MAP4K5: variants seen among roughly 807,000 people sequenced by gnomAD.
MAP4K5 encodes mitogen-activated protein kinase kinase kinase kinase 5.
Under a neutral mutation model 135.6 loss-of-function variants are expected in MAP4K5, and 82 were observed. The ratio of observed to expected loss-of-function variants is 0.60; its 90% CI spans 0.51 to 0.73. The LOEUF (loss-of-function observed/expected upper bound fraction) is 0.73, where lower values mean the gene tolerates loss of function less well. MAP4K5 is among the 30% of genes least tolerant of loss of function. MAP4K5 has a pLI of 0.00. For synonymous variants in MAP4K5, 347 were observed against 335.0 expected (o/e 1.04, Z -0.39); for missense variants, 907 against 1,010.9 (o/e 0.90, Z 1.39).
At chr14:50,558,029 A>C (rs1434478385) in intron 1 of MAP4K5, among the ~76,000 whole-genome samples, 1 of 152,198 alleles carries the variant, frequency 6.6e-6, no homozygotes, top group African/African-American at 2.4e-5. Context: ...GCATAGCACA[A>C]TTTTTTTAAA....
chr14:50,419,987 T>A lies in MAP4K5; in HGVS notation c.*32A>T. ...TTTTCCTTTCAATGGAGTATATTCA[T>A]TTTCCTGTCATTTGAGATCAGTTTC... is the stretch of plus-strand genomic sequence containing the variant. On this transcript the variant is annotated 3_prime_UTR_variant, in exon 33 of 33. Transcript: ENST00000682126. 6.9e-7 allele frequency: 1 copy of A among 1,454,814 alleles called. No individual in the cohort carries two copies. Among genetic ancestry groups the A allele is most frequent in the South Asian group, 1.2e-5 (1 of 83,852 alleles). 90.1% of individuals were successfully genotyped at this position (1,454,814 alleles called of 1,614,324 possible). A position where few individuals can be genotyped will look rare whatever the true frequency, so the allele number is the denominator to read the frequency against.
chr14:50,504,430 T>C (rs1225346063), intron 3 of MAP4K5, among the ~76,000 whole-genome samples: 1 of 151,998 alleles, frequency 6.6e-6, no homozygotes, highest in Admixed American at 6.6e-5. Context: ...CCTAAATCAA[T>C]CAAAGGGAAT....
chr14:50,462,383 C>T (rs533822868), intron 13 of MAP4K5, among the ~76,000 whole-genome samples: 2 of 152,170 alleles, frequency 1.3e-5, no homozygotes, highest in Non-Finnish European at 2.9e-5. Flanking sequence ...ACCAAAACTT[C>T]AGGCTAACCA....
At chr14:50,458,883 A>C (rs2036649058) in intron 13 of MAP4K5, among the ~76,000 whole-genome samples, 1 of 152,180 alleles carries the variant, frequency 6.6e-6, no homozygotes, top group South Asian at 2.1e-4. Context: ...ATCATGGCTC[A>C]CTGCAGCCTT....
chr14:50,538,697 A>G (rs1056714120), intron 2 of MAP4K5, among the ~76,000 whole-genome samples: 2 of 152,206 alleles, frequency 1.3e-5, no homozygotes, highest in African/African-American at 4.8e-5. Context: ...GGATTCCAGT[A>G]AGTTCTCCTT....
chr14:50,443,777 GA>G lies in MAP4K5; in HGVS notation c.1438-8del. 1.9e-6 allele frequency: 3 copies of G among 1,596,260 alleles called. No homozygotes were observed. The highest frequency in any genetic ancestry group is 2.6e-6 in the Non-Finnish European group (3 of 1,174,442). The stretch of plus-strand genomic sequence containing the variant: ...GGCCATTGATGGCTGGTTTCTATGG[GA>G]AAAATAAAATTTACTAGTGTAAGAC... On this transcript the variant is annotated splice_polypyrimidine_tract_variant and splice_region_variant and intron_variant, in intron 19 of 32. Coordinates refer to ENST00000682126, the MANE Select transcript of MAP4K5 (RefSeq NM_006575.6).
rs543850710 is a variant in MAP4K5, at chr14:50,428,513, C to T, written c.2326+149G>A. 1.6e-5 allele frequency: 7 copies of T among 449,134 alleles called. No individual in the cohort carries two copies. In the South Asian group the frequency reaches 2.8e-4, roughly 18 times the overall value. 27.8% of individuals were successfully genotyped at this position (449,134 alleles called of 1,614,324 possible). On this transcript the variant is annotated intron_variant, in intron 30 of 32. Coordinates refer to ENST00000682126, the MANE Select transcript of MAP4K5 (RefSeq NM_006575.6). ...CCTTGTGATCTGCCCACCTTGGCCT[C>T]CCAAAGTGCTGGGATTACAGGCGTA... is the stretch of plus-strand genomic sequence containing the variant.
At chr14:50,486,235 C>G (rs758095906) in intron 3 of MAP4K5, 41 bp from the exon 4 acceptor site, 28 of 695,506 alleles carry the variant, frequency 4.0e-5, no homozygotes, top group Non-Finnish European at 6.9e-5. Context: ...TACTCAAAAT[C>G]TCTACATATG....
At chr14:50,474,775 G>A (rs2037058489) in intron 9 of MAP4K5, among the ~76,000 whole-genome samples, 1 of 152,178 alleles carries the variant, frequency 6.6e-6, no homozygotes, top group South Asian at 2.1e-4. Flanking sequence ...GATTAAAAGA[G>A]AATGCCAGAA....
In MAP4K5 at chr14:50,434,410, A is replaced by G; in HGVS notation, c.2148T>C (p.Phe716=). ...TINLNSASSW[F]TEIGAGSQQL... The stretch of plus-strand genomic sequence containing the variant: ...AATACTTACCTGCACCAATTTCTGT[A>G]AACCATGAAGATGCAGAGTTCAAAT... Residue 716 remains phenylalanine (F), a synonymous_variant, in exon 28 of 33, where the codon TTT becomes TTC. Transcript: ENST00000682126. The G allele has an allele frequency of 6.2e-7, 1 of 1,605,350 alleles. No homozygotes were observed. Among genetic ancestry groups the G allele is most frequent in the Non-Finnish European group, 8.5e-7 (1 of 1,176,184 alleles).
intron 6 of MAP4K5, among the ~76,000 whole-genome samples, chr14:50,479,186 CT>C (rs34038301): frequency 0.063 from 9,049 of 142,564 alleles, 276 homozygotes; most frequent in East Asian, 0.069. Flanking sequence ...CATTCTCTCT[CT>C]TTTTTTTTTT....
At chr14:50,558,145 G>T (rs1376140738) in intron 1 of MAP4K5, among the ~76,000 whole-genome samples, 1 of 152,136 alleles carries the variant, frequency 6.6e-6, no homozygotes, top group Admixed American at 6.5e-5. Context: ...TGGGCAGATC[G>T]CTTGAGCTCA....
At chr14:50,473,561 C>T (rs1369614897) in intron 9 of MAP4K5, among the ~76,000 whole-genome samples, 1 of 151,886 alleles carries the variant, frequency 6.6e-6, no homozygotes, top group East Asian at 1.9e-4. Context: ...TTTTACTTGC[C>T]TTTTAATTTT....
intron 2 of MAP4K5, among the ~76,000 whole-genome samples, chr14:50,518,613 T>C (rs2038083477): frequency 6.6e-6 from 1 of 152,130 alleles, no homozygotes; most frequent in South Asian, 2.1e-4. Flanking sequence ...ATTTCCCCAC[T>C]CCCAGGCAGA....
chr14:50,453,063 T>G (rs981627831), intron 14 of MAP4K5, among the ~76,000 whole-genome samples: 4 of 151,914 alleles, frequency 2.6e-5, no homozygotes, highest in Non-Finnish European at 4.4e-5. Context: ...TTCTTACTAT[T>G]GCCCTTTGCA....
chr14:50,458,191 T>C lies in MAP4K5; in HGVS notation c.937-1597A>G, dbSNP rs74050915. Among the ~76,000 whole-genome samples, 774 of 152,236 alleles carry C rather than the reference T, an allele frequency of 5.1e-3. 8 individuals are homozygous for C. The highest frequency in any genetic ancestry group is 0.017 in the African/African-American group (705 of 41,554). On this transcript the variant is annotated intron_variant, in intron 13 of 32. Transcript: ENST00000682126. Reference sequence around the variant, plus strand: ...CTCACCACTTACTTCACAGAGAAAATAGAAATCACCAGCTACACTGCATTA... The same window carrying C: ...CTCACCACTTACTTCACAGAGAAAACAGAAATCACCAGCTACACTGCATTA...
At position 50,483,843 on chromosome 14, in the gene MAP4K5, T is replaced by C. The variant is rs1475607411; in HGVS notation, c.323-1427A>G. On this transcript the variant is annotated intron_variant, in intron 5 of 32. Coordinates refer to ENST00000682126, the MANE Select transcript of MAP4K5 (RefSeq NM_006575.6). The stretch of plus-strand genomic sequence containing the variant: ...ACAGAAAAGACAGCAATTCCATTTA[T>C]TTATTTATTTATTTATTTATTTATT... 8.6e-4 allele frequency among the ~76,000 whole-genome samples: 117 copies of C among 135,866 alleles called. 2 individuals carry two copies. The highest frequency in any genetic ancestry group is 7.5e-5 in the Non-Finnish European group (5 of 66,680). 89.1% of individuals were successfully genotyped at this position (135,866 alleles called of 152,430 possible).
In MAP4K5 at chr14:50,439,021, T is replaced by TA. The variant is rs139442923; in HGVS notation, c.1706-928dup. ...ATTGGCTTTATTTTCATAACAGTAA[T>TA]ATAAAATATTAACATATTAATATTT... is the stretch of plus-strand genomic sequence containing the variant. On this transcript the variant is annotated intron_variant, in intron 23 of 32. Transcript: ENST00000682126. Among the ~76,000 whole-genome samples, 1,427 of 152,130 alleles carry TA rather than the reference T, an allele frequency of 9.4e-3. 19 individuals carry two copies. The highest frequency in any genetic ancestry group is 0.032 in the African/African-American group (1,327 of 41,496).
intron 20 of MAP4K5, 103 bp downstream of exon 20, chr14:50,443,626 T>C (rs2036276335): frequency 1.1e-6 from 1 of 902,844 alleles, no homozygotes; most frequent in Admixed American, 3.4e-5. Flanking sequence ...TTGTATTTTA[T>C]GATATCTTAA....
Sources: allele counts gnomAD v4.1 joint callset (sites outside exome capture counted in the v4.1 genomes callset), GRCh38; gene constraint gnomAD v4.1.1; transcripts MANE v1.5; gene names NCBI Gene and HGNC (gene_info 2026-07-23, HGNC 2026-07-21).